The following RHOBTB2 variants were observed in gnomAD, a reference collection of about 807,000 sequenced individuals.
The protein encoded by RHOBTB2 is Rho related BTB domain containing 2.
Under a neutral mutation model 66.5 loss-of-function variants are expected in RHOBTB2, and 39 were observed. The observed-to-expected ratio is 0.59, with a 90% CI of 0.45 to 0.77. The LOEUF (loss-of-function observed/expected upper bound fraction) is 0.77. RHOBTB2 is among the 30% of genes least tolerant of loss of function. RHOBTB2 has a pLI of 0.00. For synonymous variants in RHOBTB2, 390 were observed against 395.0 expected (o/e 0.99, Z 0.15); for missense variants, 755 against 999.1 (o/e 0.76, Z 3.29).
chr8:22,987,270 C>G (rs1437160279), upstream of RHOBTB2: 1 of 152,390 alleles, frequency 6.6e-6, no homozygotes, highest in Admixed American at 6.5e-5. Context: ...GGAACAGGGC[C>G]TCCGGTCTAG....
chr8:23,015,739 C>T lies in RHOBTB2; in HGVS notation c.1962C>T (p.Ser654=). Residue 654 remains serine (S), a synonymous_variant, in exon 9 of 10, where the codon TCC becomes TCT. Transcript: ENST00000251822. ...TCCCCCGAGACATGAAGGCCATGTC[C>T]CCAGGTGAGCATCGGGGCCAGTCCT... ...RKFPRDMKAM[S]PENQEYFEKH... 2 of 1,608,492 alleles carry T rather than the reference C, an allele frequency of 1.2e-6. No homozygotes were observed. The highest frequency in any genetic ancestry group is 1.1e-5 in the South Asian group (1 of 90,844).
rs1811346711 is a variant in RHOBTB2, at chr8:23,018,023, G to A, written c.*554G>A. On this transcript the variant is annotated 3_prime_UTR_variant, in exon 10 of 10. Transcript: ENST00000251822. ...CCAACTCAAGGCTTCTACATCCTGG[G>A]GTGCAGCTGCAAAAGGCCAGACGTG... is the stretch of plus-strand genomic sequence containing the variant. 1 of 158,024 alleles carries A rather than the reference G, an allele frequency of 6.3e-6. No individual in the cohort carries two copies. Among genetic ancestry groups the A allele is most frequent in the Admixed American group, 6.0e-5 (1 of 16,720 alleles). The allele number at this position is 158,024 out of a possible 1,614,324, so 9.8% of individuals were successfully genotyped here. A position where few individuals can be genotyped will look rare whatever the true frequency, so the allele number is the denominator to read the frequency against.
Position 23,017,497 on chromosome 8 carries a change from T to C in RHOBTB2, c.*28T>C, listed in dbSNP as rs1309713052. On this transcript the variant is annotated 3_prime_UTR_variant, in exon 10 of 10. Transcript: ENST00000251822. This position sits in a 1 kb window ranked among gnomAD's most constrained non-coding sequence, Gnocchi z 5.3. ...TGCTGCCACCCTCTTCTGACCCTGC[T>C]GCTGTTGTCCCCATCCGCCTTCACC... The C allele has an allele frequency of 1.3e-6, 2 of 1,557,180 alleles. No homozygotes were observed. Among genetic ancestry groups the C allele is most frequent in the Non-Finnish European group, 1.7e-6 (2 of 1,150,594 alleles).
chr8:23,006,491 C>T lies in RHOBTB2; in HGVS notation c.483-237C>T, dbSNP rs536292696. On this transcript the variant is annotated intron_variant, in intron 4 of 9. Coordinates refer to ENST00000251822, the MANE Select transcript of RHOBTB2 (RefSeq NM_015178.3). The surrounding 1 kb of genome is among the most constrained non-coding windows in gnomAD (Gnocchi z 6.1). ...CTAATTGCCAGAGAGGCAGTGCTGT[C>T]ACGGCTTTGTACTGGGGAGGTCACT... is the stretch of plus-strand genomic sequence containing the variant. 1.2e-5 allele frequency: 7 copies of T among 570,696 alleles called. No individual in the cohort carries two copies. Among genetic ancestry groups the T allele is most frequent in the Non-Finnish European group, 2.2e-5 (7 of 322,480 alleles). The allele number at this position is 570,696 out of a possible 1,614,324, so 35.4% of individuals were successfully genotyped here.
upstream of RHOBTB2, among the ~76,000 whole-genome samples, chr8:22,996,561 GTGTGTGTC>G (rs1164075631): frequency 1.7e-3 from 187 of 109,342 alleles, 2 homozygotes; most frequent in African/African-American, 4.6e-3. Context: ...GTGTGTGTGT[GTGTGTGTC>G]TGTGTGTCTG....
the RHOBTB2 span, among the ~76,000 whole-genome samples, chr8:22,976,568 C>T: frequency 6.6e-6 from 1 of 152,128 alleles, no homozygotes; most frequent in African/African-American, 2.4e-5. Context: ...TTGGGAATAC[C>T]GCCATTTTTA....
At chr8:22,951,687 G>T in the RHOBTB2 span, among the ~76,000 whole-genome samples, 1 of 152,170 alleles carries the variant, frequency 6.6e-6, no homozygotes, top group Non-Finnish European at 1.5e-5. Flanking sequence ...ACATTGATCC[G>T]TTAGGGTGGG....
At position 23,006,687 on chromosome 8, in the gene RHOBTB2, C is replaced by T. The variant is rs752934437; in HGVS notation, c.483-41C>T. The T allele has an allele frequency of 4.5e-6, 7 of 1,563,212 alleles. No homozygotes were observed. The highest frequency in any genetic ancestry group is 6.1e-6 in the Non-Finnish European group (7 of 1,148,642). ...TGTGGAAGAACAGGCAGCCTCCCTC[C>T]ACCACCAACACAAGCTTGGTTTCCT... On this transcript the variant is annotated intron_variant, in intron 4 of 9. Coordinates refer to ENST00000251822, the MANE Select transcript of RHOBTB2 (RefSeq NM_015178.3). This position sits in a 1 kb window ranked among gnomAD's most constrained non-coding sequence, Gnocchi z 6.1.
chr8:23,000,031 T>G lies in RHOBTB2; in HGVS notation c.-85T>G. The G allele has an allele frequency of 1.0e-6, 1 of 985,494 alleles. No homozygotes were observed. Among genetic ancestry groups the G allele is most frequent in the Non-Finnish European group, 1.2e-6 (1 of 829,994 alleles). The allele number at this position is 985,494 out of a possible 1,614,324, so 61.0% of individuals were successfully genotyped here. A position where few individuals can be genotyped will look rare whatever the true frequency, so the allele number is the denominator to read the frequency against. ...GCAGGCGCGGAGGGACCCCTGACAT[T>G]TCACTAAAATGAGCGTGCTCAGCAG... On this transcript the variant is annotated 5_prime_UTR_variant, in exon 1 of 10. It adds an upstream start codon to the 5' untranslated region. Coordinates refer to ENST00000251822, the MANE Select transcript of RHOBTB2 (RefSeq NM_015178.3).
In RHOBTB2 at chr8:23,010,692, A is replaced by G. The variant is rs1811119876; in HGVS notation, c.1771+4A>G. The G allele has an allele frequency of 1.7e-5, 27 of 1,613,936 alleles. No individual in the cohort carries two copies. The East Asian group carries it at 6.0e-4, about 36-fold the overall frequency. On this transcript the variant is annotated splice_donor_region_variant and intron_variant, in intron 7 of 9. Transcript: ENST00000251822. Reference sequence around the variant, plus strand: ...CCACACCTGGTTGCCCTCACAGGTAACTAAGCAGTGCACTCGGGGACCTCC... The same window carrying G: ...CCACACCTGGTTGCCCTCACAGGTAGCTAAGCAGTGCACTCGGGGACCTCC...
chr8:22,961,652 G>A, the RHOBTB2 span, among the ~76,000 whole-genome samples: 2 of 152,124 alleles, frequency 1.3e-5, no homozygotes, highest in African/African-American at 4.8e-5. Context: ...GGTGGGGAGG[G>A]GAAAAATGAA....
At chr8:22,982,663 CAG>C (rs1259764866), upstream of RHOBTB2, among the ~76,000 whole-genome samples, 2 of 152,216 alleles carry the variant, frequency 1.3e-5, no homozygotes, top group Non-Finnish European at 2.9e-5. Context: ...GCCTGAGAGA[CAG>C]AGCGAGACAA....
the RHOBTB2 span, among the ~76,000 whole-genome samples, chr8:22,955,562 A>G: frequency 1.4e-5 from 2 of 143,772 alleles, no homozygotes; most frequent in Admixed American, 7.2e-5. Context: ...CATTCAATAA[A>G]TCTTTTTTTT....
chr8:22,991,265 C>T (rs1178620455), intron 1 of RHOBTB2, among the ~76,000 whole-genome samples: 2 of 152,166 alleles, frequency 1.3e-5, no homozygotes, highest in African/African-American at 4.8e-5. Flanking sequence ...CAGGGCCCAT[C>T]CAGCCTTGTA....
the RHOBTB2 span, among the ~76,000 whole-genome samples, chr8:22,962,191 A>G: frequency 1.6e-5 from 1 of 61,346 alleles, no homozygotes; most frequent in Non-Finnish European, 2.7e-5. Flanking sequence ...AAAAAAAAAA[A>G]AAAAAAAAAA....
At chr8:23,000,182 C>T in intron 1 of RHOBTB2, 77 bp downstream of exon 1, 1 of 944,176 alleles carries the variant, frequency 1.1e-6, no homozygotes, top group Non-Finnish European at 1.3e-6. Flanking sequence ...CCTCCCTGCC[C>T]TGCCGCGCCC....
At chr8:23,008,160 C>T (rs1585192839) in intron 6 of RHOBTB2, 49 bp downstream of exon 6, 2 of 1,285,532 alleles carry the variant, frequency 1.6e-6, no homozygotes, top group Non-Finnish European at 2.2e-6. Flanking sequence ...GACATTTGCA[C>T]CCTTTACATC....
Position 23,017,508 on chromosome 8 carries a change from C to A in RHOBTB2, c.*39C>A, listed in dbSNP as rs1811332268. 5 of 1,552,862 alleles carry A rather than the reference C, an allele frequency of 3.2e-6. No homozygotes were observed. Among genetic ancestry groups the A allele is most frequent in the Middle Eastern group, 2.0e-4 (1 of 5,034 alleles). On this transcript the variant is annotated 3_prime_UTR_variant, in exon 10 of 10. Coordinates refer to ENST00000251822, the MANE Select transcript of RHOBTB2 (RefSeq NM_015178.3). This position sits in a 1 kb window ranked among gnomAD's most constrained non-coding sequence, Gnocchi z 5.3. ...TCTTCTGACCCTGCTGCTGTTGTCC[C>A]CATCCGCCTTCACCCCTCTGCTCTT...
upstream of RHOBTB2, among the ~76,000 whole-genome samples, chr8:22,997,505 G>A (rs1007781866): frequency 6.6e-6 from 1 of 152,126 alleles, no homozygotes; most frequent in Non-Finnish European, 1.5e-5. Flanking sequence ...TTTTGTCCAA[G>A]ACCCTTCCAC....
Sources: allele counts gnomAD v4.1 joint callset (sites outside exome capture counted in the v4.1 genomes callset), GRCh38; gene constraint gnomAD v4.1.1; non-coding constraint Gnocchi (gnomAD v3.1); transcripts MANE v1.5; gene names NCBI Gene and HGNC (gene_info 2026-07-23, HGNC 2026-07-21).